Variants in HEMK2 observed in about 807,000 individuals in gnomAD.
The protein encoded by HEMK2 is HemK methyltransferase 2, ETF1 glutamine and histone H4 lysine.
the HEMK2 span, among the ~76,000 whole-genome samples, chr21:28,824,089 C>T: frequency 6.6e-6 from 1 of 152,208 alleles, no homozygotes; most frequent in Admixed American, 6.5e-5. Context: ...TCAAACCTGG[C>T]TGCACATTTG....
At chr21:28,801,167 C>G in the HEMK2 span, among the ~76,000 whole-genome samples, 4 of 152,186 alleles carry the variant, frequency 2.6e-5, no homozygotes, top group African/African-American at 9.7e-5. Flanking sequence ...ATTTATTAAC[C>G]AAATGCACAG....
At chr21:28,634,777 A>T in the HEMK2 span, among the ~76,000 whole-genome samples, 15 of 152,332 alleles carry the variant, frequency 9.8e-5, no homozygotes, top group African/African-American at 3.6e-4. Flanking sequence ...TAGACGTATT[A>T]TAAGGATAAA....
At chr21:28,858,812 C>T in the HEMK2 span, among the ~76,000 whole-genome samples, 1 of 152,152 alleles carries the variant, frequency 6.6e-6, no homozygotes, top group Non-Finnish European at 1.5e-5. Context: ...TATGATCGCA[C>T]CACTGACTCC....
At chr21:28,838,580 T>A in the HEMK2 span, among the ~76,000 whole-genome samples, 1 of 150,166 alleles carries the variant, frequency 6.7e-6, no homozygotes, top group Non-Finnish European at 1.5e-5. Flanking sequence ...CAGACCAACA[T>A]CCTTGATGAA....
chr21:28,617,804 T>TA, the HEMK2 span, among the ~76,000 whole-genome samples: 1 of 125,996 alleles, frequency 7.9e-6, no homozygotes, highest in South Asian at 2.7e-4. Flanking sequence ...TTTTTTTTTT[T>TA]TAAGACAGAG....
chr21:28,865,458 C>T, the HEMK2 span, among the ~76,000 whole-genome samples: 4 of 152,212 alleles, frequency 2.6e-5, no homozygotes, highest in South Asian at 2.1e-4. Context: ...TGAGCCACCA[C>T]GCCCAGCCTA....
the HEMK2 span, among the ~76,000 whole-genome samples, chr21:28,824,932 T>TC: frequency 1.3e-5 from 2 of 152,238 alleles, no homozygotes; most frequent in East Asian, 3.9e-4. Flanking sequence ...CCCAGAATGT[T>TC]CTCAGTTTTA....
At chr21:28,859,339 C>T in the HEMK2 span, among the ~76,000 whole-genome samples, 1 of 152,132 alleles carries the variant, frequency 6.6e-6, no homozygotes, top group African/African-American at 2.4e-5. Flanking sequence ...TGGTAGGGAT[C>T]CTCAAATCTT....
At chr21:28,675,996 C>T in the HEMK2 span, among the ~76,000 whole-genome samples, 2 of 152,310 alleles carry the variant, frequency 1.3e-5, no homozygotes, top group Admixed American at 6.5e-5. Flanking sequence ...TTTACTCCAA[C>T]ACAGAATCCT....
At chr21:28,809,357 G>A in the HEMK2 span, among the ~76,000 whole-genome samples, 6 of 152,158 alleles carry the variant, frequency 3.9e-5, no homozygotes, top group African/African-American at 1.4e-4. Context: ...ATCGGCTACT[G>A]AGTTTGGATT....
At chr21:28,865,383 T>C in the HEMK2 span, among the ~76,000 whole-genome samples, 41 of 152,272 alleles carry the variant, frequency 2.7e-4, 1 homozygote, top group Admixed American at 4.6e-4. Context: ...CCAGGCTGGG[T>C]CTCGGACTCC....
the HEMK2 span, among the ~76,000 whole-genome samples, chr21:28,790,810 C>G: frequency 8.1e-6 from 1 of 122,900 alleles, no homozygotes; most frequent in Non-Finnish European, 1.6e-5. Context: ...GGAAGGGGAA[C>G]ATCACACTCT....
chr21:28,671,882 A>T, the HEMK2 span, among the ~76,000 whole-genome samples: 1 of 152,162 alleles, frequency 6.6e-6, no homozygotes, highest in Non-Finnish European at 1.5e-5. Flanking sequence ...TAATATTCAC[A>T]ATTTAATTTG....
chr21:28,762,861 C>A, the HEMK2 span, among the ~76,000 whole-genome samples: 1 of 152,108 alleles, frequency 6.6e-6, no homozygotes, highest in Non-Finnish European at 1.5e-5. Flanking sequence ...CTCCATCCGT[C>A]ATATGGTGTT....
chr21:28,817,977 A>G, the HEMK2 span, among the ~76,000 whole-genome samples: 13,059 of 152,170 alleles, frequency 0.086, 1,312 homozygotes, highest in African/African-American at 0.23. Context: ...CTGCACATAC[A>G]GATAGTGTGA....
chr21:28,763,875 A>G, the HEMK2 span, among the ~76,000 whole-genome samples: 17 of 152,044 alleles, frequency 1.1e-4, no homozygotes, highest in Non-Finnish European at 2.1e-4. Context: ...TGTAGCCCAC[A>G]TGGACCACAT....
At chr21:28,862,566 G>A in the HEMK2 span, among the ~76,000 whole-genome samples, 2 of 147,366 alleles carry the variant, frequency 1.4e-5, no homozygotes, top group Admixed American at 6.7e-5. Flanking sequence ...GTGAACCCGG[G>A]AAGCGGAGCT....
the HEMK2 span, among the ~76,000 whole-genome samples, chr21:28,717,701 A>C: frequency 6.6e-6 from 1 of 152,150 alleles, no homozygotes; most frequent in Non-Finnish European, 1.5e-5. Context: ...GCTGTTCTCC[A>C]ACTCCTGACC....
At chr21:28,831,462 CGAAAGAAA>C in the HEMK2 span, among the ~76,000 whole-genome samples, 341 of 23,632 alleles carry the variant, frequency 0.014, 21 homozygotes, top group South Asian at 0.024. Flanking sequence ...AAGAAAAGAA[CGAAAGAAA>C]GAAAGAAAGA....
Sources: allele counts gnomAD v4.1 joint callset (sites outside exome capture counted in the v4.1 genomes callset), GRCh38; gene constraint gnomAD v4.1.1; transcripts MANE v1.5; gene names NCBI Gene and HGNC (gene_info 2026-07-23, HGNC 2026-07-21).